Variants in ZBED1 observed in about 807,000 individuals in gnomAD.
ZBED1 encodes the protein zinc finger BED-type containing 1.
ZBED1 carries 19 observed loss-of-function variants against 49.7 expected under a neutral mutation model. The observed-to-expected ratio is 0.38, with a 90% CI of 0.27 to 0.56. The LOEUF (loss-of-function observed/expected upper bound fraction) is 0.56, where lower values mean the gene tolerates loss of function less well. Ranked by LOEUF, ZBED1 falls within the 20% of genes least tolerant of loss-of-function variation. The probability of loss-of-function intolerance (pLI) is 0.70; values close to 1 mark genes in which losing one functional copy is unlikely to be tolerated. For missense variants in ZBED1, 806 were observed against 972.6 expected, an observed-to-expected ratio of 0.83 and a Z score of 2.28; for synonymous variants, 439 against 440.3, an observed-to-expected ratio of 1.00 and a Z score of 0.04.
intron 1 of ZBED1, among the ~76,000 whole-genome samples, chrX:2,496,023 T>C (rs1338895964): frequency 6.6e-6 from 1 of 152,104 alleles, no homozygotes; most frequent in Non-Finnish European, 1.5e-5. Context: ...ATTTTGGAAA[T>C]GACAATCATT....
rs749153461 is a variant in ZBED1, at chrX:2,488,889, C to T, written c.1831G>A (p.Val611Met). 5.0e-5 allele frequency: 81 copies of T among 1,610,202 alleles called. No individual in the cohort carries two copies. The highest frequency in any genetic ancestry group is 6.7e-5 in the East Asian group (3 of 44,870). Residue 611 changes from valine to methionine, a missense_variant, in exon 2 of 2, where the codon GTG becomes ATG. Around this residue, in one of 2 missense-constraint regions of ZBED1, gnomAD observed 749 missense variants for 861.3 expected, o/e 0.87. Transcript: ENST00000652001. ...LPKVLQKYWC[V>M]TATRVAPERL... ...TCAGGGGCGACGCGCGTGGCCGTCA[C>T]GCACCAGTACTTCTGCAGCACCTTG... is the stretch of plus-strand genomic sequence containing the variant.
chrX:2,500,901 C>T lies in ZBED1; in HGVS notation c.-138G>A, dbSNP rs2045411886. The T allele has an allele frequency of 1.8e-6, 2 of 1,127,160 alleles. No homozygotes were observed. The highest frequency in any genetic ancestry group is 5.1e-5 in the East Asian group (1 of 19,486). The allele number at this position is 1,127,160 out of a possible 1,614,324, so 69.8% of individuals were successfully genotyped here. ...CCTACCGCGTAGACCCGCAGGGCCGCCCGCGCCGCAGACAATGGCGACATG... is the reference window on the plus strand; with the variant it reads ...CCTACCGCGTAGACCCGCAGGGCCGTCCGCGCCGCAGACAATGGCGACATG... On this transcript the variant is annotated 5_prime_UTR_variant, in exon 1 of 2. Coordinates refer to ENST00000652001, the MANE Select transcript of ZBED1 (RefSeq NM_001171136.2).
intron 1 of ZBED1, among the ~76,000 whole-genome samples, chrX:2,493,653 G>C (rs2045214094): frequency 6.6e-6 from 1 of 151,724 alleles, no homozygotes; most frequent in African/African-American, 2.4e-5. Flanking sequence ...GGCTGAAAAA[G>C]GTCTCAGTAC....
chrX:2,498,883 C>T (rs2045345986), intron 1 of ZBED1, among the ~76,000 whole-genome samples: 1 of 152,174 alleles, frequency 6.6e-6, no homozygotes, highest in Non-Finnish European at 1.5e-5. Flanking sequence ...TTCAAACAAA[C>T]ATGCTCTCCT....
rs747987571 is a variant in ZBED1 at position 2,494,071 on chromosome X, G to A, written c.-53-3299C>T. ...ATACCTGGAAGAAAAGTTTGTACTC[G>A]GTTATTATTATCTGTCTGAAAGAGG... On this transcript the variant is annotated intron_variant, in intron 1 of 1. Coordinates refer to ENST00000652001, the MANE Select transcript of ZBED1 (RefSeq NM_001171136.2). 4.5e-4 allele frequency among the ~76,000 whole-genome samples: 68 copies of A among 151,620 alleles called. 1 individual carries two copies. Among genetic ancestry groups the A allele is most frequent in the Non-Finnish European group, 5.3e-4 (36 of 67,892 alleles).
chrX:2,494,735 T>C (rs1476061762), intron 1 of ZBED1, among the ~76,000 whole-genome samples: 1 of 151,954 alleles, frequency 6.6e-6, no homozygotes, highest in Non-Finnish European at 1.5e-5. Flanking sequence ...GAAAAAAGGT[T>C]CTGGTACCTA....
chrX:2,490,351 C>T lies in ZBED1; in HGVS notation c.369G>A (p.Gln123=), dbSNP rs1487327807. 1.2e-6 allele frequency: 2 copies of T among 1,613,434 alleles called. No individual in the cohort carries two copies. Among genetic ancestry groups the T allele is most frequent in the South Asian group, 2.2e-5 (2 of 91,032 alleles). The change falls in exon 2 of 2, where the codon CAG becomes CAA. Residue 123 remains glutamine, a synonymous_variant. Coordinates refer to ENST00000652001, the MANE Select transcript of ZBED1 (RefSeq NM_001171136.2). The part of the protein sequence containing the change: ...KAGHGYDSKK[Q]QELTAAVLGL... ...CCAGCACGGCGGCCGTCAGCTCCTG[C>T]TGCTTCTTGCTGTCGTAGCCGTGGC...
chrX:2,493,415 G>T (rs1173172659), intron 1 of ZBED1, among the ~76,000 whole-genome samples: 2 of 151,902 alleles, frequency 1.3e-5, no homozygotes, highest in Non-Finnish European at 2.9e-5. Flanking sequence ...CTATTGGGCT[G>T]AAAGAGGTCC....
At chrX:2,499,469 G>A (rs1161031380) in intron 1 of ZBED1, among the ~76,000 whole-genome samples, 1 of 152,124 alleles carries the variant, frequency 6.6e-6, no homozygotes, top group Non-Finnish European at 1.5e-5. Context: ...CAGGTTTCTA[G>A]GTTTAAATTG....
At chrX:2,493,242 C>T (rs1270667714) in intron 1 of ZBED1, among the ~76,000 whole-genome samples, 4 of 152,126 alleles carry the variant, frequency 2.6e-5, no homozygotes, top group Non-Finnish European at 4.4e-5. Context: ...ACACAGTCAA[C>T]GGAGGGGGAA....
In ZBED1 at chrX:2,489,965, T is replaced by C. The variant is rs1218254551; in HGVS notation, c.755A>G (p.Tyr252Cys). The C allele has an allele frequency of 1.9e-6, 3 of 1,613,738 alleles. No individual in the cohort carries two copies. The change falls in exon 2 of 2, where the codon TAT (tyrosine) becomes TGT (cysteine). Residue 252 changes from tyrosine to cysteine, a missense_variant. By Grantham distance (194) the Tyr-to-Cys change is radical (BLOSUM62 -2). Transcript: ENST00000652001. ...NTAETITRVL[Y>C]EVFIEWGISA... Reference sequence around the variant, plus strand: ...GATGCCCCACTCGATGAAGACCTCATAGAGCACTCGCGTGATGGTCTCCGC... The same window carrying C: ...GATGCCCCACTCGATGAAGACCTCACAGAGCACTCGCGTGATGGTCTCCGC...
chrX:2,499,101 A>C (rs985996747), intron 1 of ZBED1, among the ~76,000 whole-genome samples: 6 of 152,106 alleles, frequency 3.9e-5, no homozygotes, highest in African/African-American at 1.4e-4. Context: ...CACGCTTCTC[A>C]AAGGGTGGCG....
rs7057630 is a variant in ZBED1 at position 2,488,109 on chromosome X, G to A, written c.*526C>T. 14,614 of 152,626 alleles carry A rather than the reference G, an allele frequency of 0.096. 2,337 individuals carry two copies. The highest frequency in any genetic ancestry group is 0.33 in the African/African-American group (13,638 of 41,326). 9.5% of individuals were successfully genotyped at this position (152,626 alleles called of 1,614,324 possible). ...CAATTCCCAAGCAGAAGCGTTGGCA[G>A]TTCCCAAGCAGAAGTCGTCCGGGCC... On this transcript the variant is annotated 3_prime_UTR_variant, in exon 2 of 2. Transcript: ENST00000652001.
chrX:2,491,722 T>C (rs1260335983), intron 1 of ZBED1, among the ~76,000 whole-genome samples: 1 of 152,230 alleles, frequency 6.6e-6, no homozygotes, highest in Non-Finnish European at 1.5e-5. Flanking sequence ...TGAAGAAGCA[T>C]GGATTTCTCA....
rs139566248 is a variant in ZBED1 at position 2,489,991 on chromosome X, C to T, written c.729G>A (p.Thr243=). The T allele has an allele frequency of 8.7e-5, 141 of 1,613,880 alleles. No individual in the cohort carries two copies. In the African/African-American group the frequency reaches 1.4e-3, roughly 16 times the overall value. The change falls in exon 2 of 2, where the codon ACG becomes ACA. Residue 243 remains threonine (T), a synonymous_variant. Transcript: ENST00000652001. ...AGAGCACTCGCGTGATGGTCTCCGC[C>T]GTGTTCTCTTCGGGCACCTCGAAGG... ...LKTFEVPEEN[T]AETITRVLYE...
chrX:2,496,151 A>G (rs1458825950), intron 1 of ZBED1, among the ~76,000 whole-genome samples: 8 of 152,322 alleles, frequency 5.3e-5, no homozygotes, highest in Non-Finnish European at 1.0e-4. Flanking sequence ...AGTGTATTAC[A>G]TATTTCAAAA....
At position 2,489,683 on chromosome X, in the gene ZBED1, AGCATG is replaced by A. The variant is rs758947929; in HGVS notation, c.1032_1036del (p.Met345GlyfsTer171). The A allele has an allele frequency of 6.2e-7, 1 of 1,612,534 alleles. No homozygotes were observed. The highest frequency in any genetic ancestry group is 8.5e-7 in the Non-Finnish European group (1 of 1,179,806). On this transcript the variant is annotated frameshift_variant, in exon 2 of 2. Transcript: ENST00000652001. LOFTEE classifies it high-confidence loss of function. ...CCACCAGGAGACGCGGTTGCTCACC[AGCATG>A]CAGTGGGCCACGTTCTGCTGCTTCT... is the stretch of plus-strand genomic sequence containing the variant.
In ZBED1 at chrX:2,488,530, T is replaced by TG; in HGVS notation, c.*104dup. 1 of 1,386,588 alleles carries TG rather than the reference T, an allele frequency of 7.2e-7. No homozygotes were observed. Among genetic ancestry groups the TG allele is most frequent in the Non-Finnish European group, 9.7e-7 (1 of 1,034,832 alleles). The allele number at this position is 1,386,588 out of a possible 1,614,324, so 85.9% of individuals were successfully genotyped here. ...TCCACCTTCTAGGTGTCAAAGACAG[T>TG]GGATGGTCTCTGAGGTTCAAAACCA... On this transcript the variant is annotated 3_prime_UTR_variant, in exon 2 of 2. Transcript: ENST00000652001.
chrX:2,491,851 T>A (rs1238052335), intron 1 of ZBED1, among the ~76,000 whole-genome samples: 1 of 152,196 alleles, frequency 6.6e-6, no homozygotes, highest in Non-Finnish European at 1.5e-5. Context: ...GAGGCTTAGA[T>A]GACCCAGAAG....
Sources: gnomAD v4.1 joint callset for allele counts (sites outside exome capture counted in the v4.1 genomes callset) on GRCh38, gnomAD v4.1.1 for gene constraint, gnomAD v4.1.1 regional missense constraint, MANE v1.5 for transcripts, NCBI Gene and HGNC (gene_info 2026-07-23, HGNC 2026-07-21) for gene names.